Variants in STX7 observed in about 807,000 individuals in gnomAD.
STX7 encodes syntaxin-7.
In STX7, 34 loss-of-function variants were observed where a neutral mutation model predicts 39.6. The observed-to-expected ratio is 0.86, with a 90% confidence interval of 0.65 to 1.14. The LOEUF is 1.14. STX7 is among the 50% of genes most tolerant of loss of function. The pLI is 0.00. For synonymous variants in STX7, 119 were observed against 99.1 expected (o/e 1.20, Z -1.19); for missense variants, 284 against 310.4 (o/e 0.92, Z 0.64).
At chr6:132,492,400 A>G (rs1775313725) in intron 2 of STX7, among the ~76,000 whole-genome samples, 1 of 152,244 alleles carries the variant, frequency 6.6e-6, no homozygotes, top group Non-Finnish European at 1.5e-5. Context: ...AACATATGAC[A>G]TAATTTACTT....
intron 1 of STX7, among the ~76,000 whole-genome samples, chr6:132,510,273 G>A (rs1775814748): frequency 6.6e-6 from 1 of 152,126 alleles, no homozygotes; most frequent in African/African-American, 2.4e-5. Flanking sequence ...AAATGTTTGA[G>A]GTAATGGATA....
chr6:132,500,268 A>C (rs9493336), intron 2 of STX7, among the ~76,000 whole-genome samples: 30,309 of 152,098 alleles, frequency 0.2, 3,426 homozygotes, highest in East Asian at 0.53. Flanking sequence ...AATGAAATCT[A>C]AACTTCCTGA....
intron 1 of STX7, among the ~76,000 whole-genome samples, chr6:132,509,823 G>A (rs1298899298): frequency 6.6e-6 from 1 of 152,128 alleles, no homozygotes; most frequent in African/African-American, 2.4e-5. Flanking sequence ...TTGATTAAAA[G>A]CTTATGATCT....
Position 132,452,037 on chromosome 6 carries a change from C to A in STX7, c.*8721G>T, listed in dbSNP as rs968117480. The A allele has an allele frequency of 6.6e-6, 1 of 152,096 alleles. No individual in the cohort carries two copies. The highest frequency in any genetic ancestry group is 1.5e-5 in the Non-Finnish European group (1 of 68,012). The allele number at this position is 152,096 out of a possible 1,614,324, so 9.4% of individuals were successfully genotyped here. On this transcript the variant is annotated 3_prime_UTR_variant, in exon 10 of 10. Transcript: ENST00000367941. ...ATTAAGCTATATATACAAAGATACA[C>A]CACGACCAAGTGGAGTTTATCTCAG...
At chr6:132,485,588 T>C (rs1207028593) in intron 2 of STX7, among the ~76,000 whole-genome samples, 3 of 152,190 alleles carry the variant, frequency 2.0e-5, no homozygotes, top group African/African-American at 7.2e-5. Flanking sequence ...CTTAAATCAG[T>C]CAAACTATTT....
chr6:132,484,141 C>G (rs542378204), intron 2 of STX7, among the ~76,000 whole-genome samples: 1 of 152,320 alleles, frequency 6.6e-6, no homozygotes, highest in South Asian at 2.1e-4. Flanking sequence ...TTTGCATTAT[C>G]TACAATTTTG....
chr6:132,472,028 A>T (rs771491148), intron 4 of STX7, among the ~76,000 whole-genome samples: 9 of 152,198 alleles, frequency 5.9e-5, no homozygotes, highest in Admixed American at 1.3e-4. Context: ...ATTACTCAGG[A>T]AGCATTTTCT....
chr6:132,461,253 G>A (rs1774388566), intron 9 of STX7, among the ~76,000 whole-genome samples: 1 of 151,986 alleles, frequency 6.6e-6, no homozygotes, highest in Admixed American at 6.6e-5. Context: ...TCTTAAAAAT[G>A]AGTTCTCTGA....
chr6:132,476,333 T>G (rs973234631), intron 2 of STX7, among the ~76,000 whole-genome samples: 1 of 152,180 alleles, frequency 6.6e-6, no homozygotes, highest in Admixed American at 6.5e-5. Flanking sequence ...CTGAGGATTT[T>G]TCTTGCCAAA....
Position 132,459,597 on chromosome 6 carries a change from C to T in STX7, c.*1161G>A, listed in dbSNP as rs981799153. 1 of 152,194 alleles carries T rather than the reference C, an allele frequency of 6.6e-6. No homozygotes were observed. The highest frequency in any genetic ancestry group is 6.5e-5 in the Admixed American group (1 of 15,274). The allele number at this position is 152,194 out of a possible 1,614,324, so 9.4% of individuals were successfully genotyped here. A position where few individuals can be genotyped will look rare whatever the true frequency, so the allele number is the denominator to read the frequency against. On this transcript the variant is annotated 3_prime_UTR_variant, in exon 10 of 10. Coordinates refer to ENST00000367941, the MANE Select transcript of STX7 (RefSeq NM_003569.3). Reference sequence around the variant, plus strand: ...TTTGTTCCCATTTGAAGTCTCAGAGCTTGCCAAGTTAAACACCGCCTTCAG... The same window carrying T: ...TTTGTTCCCATTTGAAGTCTCAGAGTTTGCCAAGTTAAACACCGCCTTCAG...
In STX7 at chr6:132,492,951, T is replaced by G. The variant is rs548599927; in HGVS notation, c.85+10495A>C. ...CCTCCCATGCCCAGCAGCAAGGCAG[T>G]GTACTGGGTATTCACAAATAAGCAG... On this transcript the variant is annotated intron_variant, in intron 2 of 9. Transcript: ENST00000367941. 2.0e-5 allele frequency among the ~76,000 whole-genome samples: 3 copies of G among 152,288 alleles called. No homozygotes were observed. In the South Asian group the frequency reaches 6.2e-4, roughly 32 times the overall value.
Position 132,454,656 on chromosome 6 carries a change from A to T in STX7, c.*6102T>A, listed in dbSNP as rs529243775. 2 of 152,352 alleles carry T rather than the reference A, an allele frequency of 1.3e-5. No individual in the cohort carries two copies. Among genetic ancestry groups the T allele is most frequent in the African/African-American group, 4.8e-5 (2 of 41,598 alleles). 9.4% of individuals were successfully genotyped at this position (152,352 alleles called of 1,614,324 possible). On this transcript the variant is annotated 3_prime_UTR_variant, in exon 10 of 10. Coordinates refer to ENST00000367941, the MANE Select transcript of STX7 (RefSeq NM_003569.3). ...CTAGATTTAAAGAAAATTTAAAACA[A>T]CATAGAAAATTTCTAAATGACTAAG... is the stretch of plus-strand genomic sequence containing the variant.
rs117058944 is a variant in STX7 at position 132,511,667 on chromosome 6, T to C, written c.-59+1340A>G. 6.3e-3 allele frequency among the ~76,000 whole-genome samples: 964 copies of C among 152,344 alleles called. 5 individuals carry two copies. Among genetic ancestry groups the C allele is most frequent in the Middle Eastern group, 0.014 (4 of 294 alleles). The stretch of plus-strand genomic sequence containing the variant: ...TCCTCTGCAAAAACTACATTAACTG[T>C]ATTCTTTGGCCTTAGCTCTTTCATC... On this transcript the variant is annotated intron_variant, in intron 1 of 9. Transcript: ENST00000367941.
chr6:132,455,134 A>G lies in STX7; in HGVS notation c.*5624T>C, dbSNP rs1774216705. On this transcript the variant is annotated 3_prime_UTR_variant, in exon 10 of 10. Coordinates refer to ENST00000367941, the MANE Select transcript of STX7 (RefSeq NM_003569.3). ...TTGATCTGAGAGCTTTTCACCGTCAAGTTTTTAGCTATACAAGTTATTAAA... is the reference window on the plus strand; with the variant it reads ...TTGATCTGAGAGCTTTTCACCGTCAGGTTTTTAGCTATACAAGTTATTAAA... 6.6e-6 allele frequency: 1 copy of G among 152,214 alleles called. No homozygotes were observed. The highest frequency in any genetic ancestry group is 1.5e-5 in the Non-Finnish European group (1 of 68,026). 9.4% of individuals were successfully genotyped at this position (152,214 alleles called of 1,614,324 possible). A position where few individuals can be genotyped will look rare whatever the true frequency, so the allele number is the denominator to read the frequency against.
chr6:132,463,085 G>A (rs9493326), intron 9 of STX7, among the ~76,000 whole-genome samples: 35,925 of 151,864 alleles, frequency 0.24, 4,630 homozygotes, highest in East Asian at 0.54. Context: ...AGCCAGGCGT[G>A]GGGGTACACA....
intron 2 of STX7, among the ~76,000 whole-genome samples, 176 bp downstream of exon 2, chr6:132,503,270 G>A (rs1183294316): frequency 1.3e-5 from 2 of 152,200 alleles, no homozygotes; most frequent in African/African-American, 2.4e-5. Flanking sequence ...TGCAGTAAGT[G>A]TTATCTCAAA....
Position 132,475,676 on chromosome 6 carries a change from A to C in STX7, c.86-14T>G, listed in dbSNP as rs1439557403. 6.4e-7 allele frequency: 1 copy of C among 1,571,140 alleles called. No homozygotes were observed. The highest frequency in any genetic ancestry group is 1.2e-5 in the South Asian group (1 of 85,852). On this transcript the variant is annotated splice_polypyrimidine_tract_variant and intron_variant, in intron 2 of 9. Coordinates refer to ENST00000367941, the MANE Select transcript of STX7 (RefSeq NM_003569.3). Reference sequence around the variant, plus strand: ...GTATTTCCACAGCTATTATAATAGAAAATTCATGTATTAATTGTCACAAAA... The same window carrying C: ...GTATTTCCACAGCTATTATAATAGACAATTCATGTATTAATTGTCACAAAA...
rs767684960 is a variant in STX7 at position 132,454,442 on chromosome 6, G to A, written c.*6316C>T. ...GACAGTTTTGAAAGATGTTCACTGT[G>A]TGGGAAACAAAGTGAAAGGTACACG... On this transcript the variant is annotated 3_prime_UTR_variant, in exon 10 of 10. Coordinates refer to ENST00000367941, the MANE Select transcript of STX7 (RefSeq NM_003569.3). The A allele has an allele frequency of 2.0e-5, 3 of 152,112 alleles. No individual in the cohort carries two copies. Among genetic ancestry groups the A allele is most frequent in the African/African-American group, 7.2e-5 (3 of 41,434 alleles). 9.4% of individuals were successfully genotyped at this position (152,112 alleles called of 1,614,324 possible).
intron 2 of STX7, among the ~76,000 whole-genome samples, chr6:132,499,728 T>C (rs1775506540): frequency 6.6e-6 from 1 of 152,202 alleles, no homozygotes; most frequent in Admixed American, 6.5e-5. Context: ...TTCCTCACTC[T>C]TACGTGATTA....
Sources: allele counts gnomAD v4.1 joint callset (sites outside exome capture counted in the v4.1 genomes callset), GRCh38; gene constraint gnomAD v4.1.1; transcripts MANE v1.5; gene names NCBI Gene and HGNC (gene_info 2026-07-23, HGNC 2026-07-21).